The following SVIL variants were observed in gnomAD, a reference collection of about 807,000 sequenced individuals.
SVIL encodes the protein supervillin.
A neutral mutation model predicts 240.4 loss-of-function variants in SVIL; 101 were observed. The ratio of observed to expected loss-of-function variants is 0.42; its 90% CI spans 0.36 to 0.50. The LOEUF is 0.50. Ranked by LOEUF, SVIL falls within the 20% of genes least tolerant of loss-of-function variation. The pLI, the probability that SVIL is intolerant of heterozygous loss-of-function variation, is 0.01. For synonymous variants in SVIL, 999 were observed against 1,100.0 expected (o/e 0.91, Z 1.82); for missense variants, 2,512 against 2,818.7 (o/e 0.89, Z 2.46).
chr10:29,560,861 C>T (rs1286674501), intron 3 of SVIL, among the ~76,000 whole-genome samples: 1 of 112,774 alleles, frequency 8.9e-6, no homozygotes, highest in African/African-American at 3.5e-5. Context: ...TTTTTTTAGA[C>T]AGAGTCTCGC....
chr10:29,502,031 C>T (rs1429958215), intron 17 of SVIL, among the ~76,000 whole-genome samples: 1 of 152,084 alleles, frequency 6.6e-6, no homozygotes, highest in Non-Finnish European at 1.5e-5. Context: ...CCCTCAGAGC[C>T]CTTTATGCAC....
At chr10:29,647,146 A>G (rs1161976654) in intron 3 of SVIL, 1 of 152,172 alleles carries the variant, frequency 6.6e-6, no homozygotes, top group Non-Finnish European at 1.5e-5. Context: ...GCTCTTAACC[A>G]TATCCCAGGA....
intron 1 of SVIL, among the ~76,000 whole-genome samples, chr10:29,625,473 CT>C (rs933545745): frequency 1.3e-5 from 2 of 150,940 alleles, no homozygotes; most frequent in Non-Finnish European, 3.0e-5. Context: ...ATTTTTTTTC[CT>C]TTTTTTTGAG....
At chr10:29,725,213 C>A (rs1262076733) in intron 1 of SVIL, among the ~76,000 whole-genome samples, 1 of 151,952 alleles carries the variant, frequency 6.6e-6, no homozygotes, top group Non-Finnish European at 1.5e-5. Context: ...ATCAAAGTTT[C>A]TCCTAGAGCC....
At chr10:29,648,873 C>T (rs921072914) in intron 3 of SVIL, among the ~76,000 whole-genome samples, 5 of 151,682 alleles carry the variant, frequency 3.3e-5, no homozygotes, top group Admixed American at 6.6e-5. Flanking sequence ...CATAGAGGCT[C>T]ATGCCTATAT....
chr10:29,531,951 T>A, intron 9 of SVIL, 51 bp downstream of exon 9: 1 of 1,599,478 alleles, frequency 6.3e-7, no homozygotes, highest in Non-Finnish European at 8.5e-7. Flanking sequence ...GTAAAACTCC[T>A]GTGTCATTGC....
At chr10:29,661,428 G>T (rs1564743799) in intron 2 of SVIL, among the ~76,000 whole-genome samples, 1 of 152,172 alleles carries the variant, frequency 6.6e-6, no homozygotes, top group African/African-American at 2.4e-5. Flanking sequence ...AAGCAGAAAA[G>T]AATTCCAGAG....
At chr10:29,626,109 C>G (rs566511328) in intron 1 of SVIL, among the ~76,000 whole-genome samples, 1 of 152,208 alleles carries the variant, frequency 6.6e-6, no homozygotes, top group South Asian at 2.1e-4. Context: ...TTCTGGAAAC[C>G]TAAGGTATAG....
At chr10:29,657,652 G>A (rs1020123170) in intron 3 of SVIL, among the ~76,000 whole-genome samples, 2 of 152,094 alleles carry the variant, frequency 1.3e-5, no homozygotes, top group African/African-American at 2.4e-5. Context: ...TAATAGCCAC[G>A]GCTCAGCTCA....
chr10:29,555,241 G>T, intron 3 of SVIL, 133 bp from the exon 4 acceptor site: 1 of 890,710 alleles, frequency 1.1e-6, no homozygotes, highest in Non-Finnish European at 1.7e-6. Context: ...ATGCAAAACT[G>T]ACCAAGTTCC....
intron 3 of SVIL, among the ~76,000 whole-genome samples, chr10:29,557,219 G>A (rs1468398372): frequency 1.3e-5 from 2 of 152,008 alleles, no homozygotes; most frequent in African/African-American, 4.8e-5. Context: ...ACTCAGCCTC[G>A]CGAGTAGGTG....
At chr10:29,493,472 T>C (rs1476063687) in intron 20 of SVIL, 81 bp from the exon 21 acceptor site, 2 of 1,459,504 alleles carry the variant, frequency 1.4e-6, no homozygotes, top group African/African-American at 1.4e-5. Context: ...TTAAAAATTC[T>C]ATTGCCTCCT....
intron 17 of SVIL, chr10:29,507,732 C>T: frequency 2.0e-6 from 2 of 984,446 alleles, no homozygotes; most frequent in Non-Finnish European, 1.2e-6. Context: ...GTGGCTTTTC[C>T]TCACCTGATT....
intron 6 of SVIL, chr10:29,545,030 C>T (rs186844507): frequency 0.018 from 9,733 of 534,502 alleles, 685 homozygotes; most frequent in South Asian, 0.12. Flanking sequence ...TCCTGAATTC[C>T]GCAGCCTGTG....
intron 2 of SVIL, among the ~76,000 whole-genome samples, chr10:29,673,655 T>A (rs1381215996): frequency 6.6e-6 from 1 of 151,560 alleles, no homozygotes; most frequent in East Asian, 1.9e-4. Context: ...TTGCGAGAAC[T>A]CACTATCGCG....
At chr10:29,589,710 G>C (rs181740314) in intron 1 of SVIL, among the ~76,000 whole-genome samples, 7 of 152,222 alleles carry the variant, frequency 4.6e-5, no homozygotes, top group Admixed American at 4.6e-4. Flanking sequence ...CCTGGAACAG[G>C]GGGTCTGGAG....
intron 6 of SVIL, among the ~76,000 whole-genome samples, chr10:29,543,789 T>A (rs142216356): frequency 1.3e-5 from 2 of 152,306 alleles, no homozygotes; most frequent in East Asian, 3.9e-4. Context: ...CATATGGTAC[T>A]TAAAAAGCCT....
intron 1 of SVIL, among the ~76,000 whole-genome samples, chr10:29,689,292 C>CT (rs925336353): frequency 4.6e-4 from 68 of 149,146 alleles, no homozygotes; most frequent in Admixed American, 2.3e-3. Context: ...TCTTTGTTTT[C>CT]TTTTTTTTTT....
rs1239888844 is a variant in SVIL at position 29,613,189 on chromosome 10, AAAG to A, written c.-201+21228_-201+21230del. Among the ~76,000 whole-genome samples, 38 of 151,466 alleles carry A rather than the reference AAAG, an allele frequency of 2.5e-4. No individual in the cohort carries two copies. The East Asian group carries it at 4.8e-3, about 19-fold the overall frequency. ...CTCCATCTCAAAAAAAAAAAAAAAAAAAGAAGAAGGAGGAGGGATGCGGGCCGA... is the reference window on the plus strand; with the variant it reads ...CTCCATCTCAAAAAAAAAAAAAAAAAAAGAAGGAGGAGGGATGCGGGCCGA... On this transcript the variant is annotated intron_variant, in intron 1 of 37. Transcript: ENST00000355867.
Sources: allele counts gnomAD v4.1 joint callset (sites outside exome capture counted in the v4.1 genomes callset), GRCh38; gene constraint gnomAD v4.1.1; transcripts MANE v1.5; gene names NCBI Gene and HGNC (gene_info 2026-07-23, HGNC 2026-07-21).